DOCK3: variants seen among roughly 807,000 people sequenced by gnomAD.
DOCK3 encodes the protein dedicator of cytokinesis protein 3.
Under a neutral mutation model 265.6 loss-of-function variants are expected in DOCK3, and 60 were observed. That is an observed-to-expected ratio of 0.23 (90% CI 0.18 to 0.28). The LOEUF (loss-of-function observed/expected upper bound fraction) is 0.28, where lower values mean the gene tolerates loss of function less well. Ranked by LOEUF, DOCK3 falls within the 10% of genes least tolerant of loss-of-function variation. The probability of loss-of-function intolerance (pLI) is 1.00; values close to 1 mark genes in which losing one functional copy is unlikely to be tolerated. For missense variants in DOCK3, 1,981 were observed against 2,594.3 expected, an observed-to-expected ratio of 0.76 and a Z score of 5.14; for synonymous variants, 881 against 938.0, an observed-to-expected ratio of 0.94 and a Z score of 1.11.
intron 50 of DOCK3, among the ~76,000 whole-genome samples, chr3:51,375,260 G>T (rs538029284): frequency 6.6e-6 from 1 of 152,344 alleles, no homozygotes; most frequent in East Asian, 1.9e-4. Context: ...GCCAGGTAGA[G>T]GGATGAGATC....
chr3:50,739,425 A>G (rs919985115), intron 1 of DOCK3, among the ~76,000 whole-genome samples: 1 of 152,014 alleles, frequency 6.6e-6, no homozygotes, highest in Non-Finnish European at 1.5e-5. Context: ...ACCTTCCTTC[A>G]GACATTTCTG....
intron 5 of DOCK3, among the ~76,000 whole-genome samples, chr3:50,946,443 T>C (rs180901888): frequency 2.5e-3 from 384 of 152,348 alleles, no homozygotes; most frequent in Non-Finnish European, 4.0e-3. Context: ...CTATCTTTTG[T>C]TTTTTGAAGA....
chr3:51,237,340 A>G (rs2078391212), intron 20 of DOCK3, 150 bp from the exon 21 acceptor site: 9 of 684,878 alleles, frequency 1.3e-5, no homozygotes, highest in East Asian at 1.1e-4. Context: ...CAGACACAGA[A>G]TGGAAATCTT....
chr3:50,861,757 CT>C (rs1416468590), intron 3 of DOCK3, among the ~76,000 whole-genome samples: 297 of 127,862 alleles, frequency 2.3e-3, no homozygotes, highest in Middle Eastern at 4.5e-3. Context: ...CCTGCTCTCT[CT>C]TTTTTTTTTT....
In DOCK3 at chr3:50,910,283, T is replaced by C. The variant is rs1210664914; in HGVS notation, c.218+20202T>C. On this transcript the variant is annotated intron_variant, in intron 4 of 52. Coordinates refer to ENST00000266037, the MANE Select transcript of DOCK3 (RefSeq NM_004947.5). ...CTTGCTGGAGAGGTATTGCAGTCAT[T>C]TGGAGAAGAAAAGGCACTCTGGCTT... 2.0e-5 allele frequency among the ~76,000 whole-genome samples: 3 copies of C among 152,000 alleles called. No homozygotes were observed. In the East Asian group the frequency reaches 5.8e-4, roughly 29 times the overall value.
At chr3:51,230,962 T>C (rs1383314091) in intron 19 of DOCK3, among the ~76,000 whole-genome samples, 1 of 151,884 alleles carries the variant, frequency 6.6e-6, no homozygotes, top group Non-Finnish European at 1.5e-5. Flanking sequence ...TTTGGATATA[T>C]ACACAGTAAT....
intron 5 of DOCK3, among the ~76,000 whole-genome samples, chr3:50,988,188 G>A (rs760379321): frequency 6.6e-6 from 1 of 152,104 alleles, no homozygotes; most frequent in Non-Finnish European, 1.5e-5. Context: ...AGCCATTCCA[G>A]CCTTTGGGCT....
intron 27 of DOCK3, among the ~76,000 whole-genome samples, chr3:51,289,839 C>T (rs1421032431): frequency 1.3e-5 from 2 of 151,886 alleles, no homozygotes; most frequent in African/African-American, 2.4e-5. Flanking sequence ...AACAAATTTA[C>T]AAGAAAAAAA....
At chr3:50,802,014 A>T (rs1358467047) in intron 2 of DOCK3, among the ~76,000 whole-genome samples, 3 of 152,088 alleles carry the variant, frequency 2.0e-5, no homozygotes, top group Non-Finnish European at 4.4e-5. Context: ...ATAGCTATTC[A>T]TGCTCACTTT....
chr3:51,261,889 T>C (rs2079870059), intron 23 of DOCK3, among the ~76,000 whole-genome samples: 1 of 152,140 alleles, frequency 6.6e-6, no homozygotes, highest in East Asian at 1.9e-4. Flanking sequence ...GCAGGGCATC[T>C]CTGAAAGAAA....
At position 50,996,473 on chromosome 3, in the gene DOCK3, T is replaced by C. The variant is rs1041747048; in HGVS notation, c.315+62396T>C. ...ACCTTGTGATCCGCCTACCTCGGCCTCCCAAAATGCTGGGATTATAGGTGT... is the reference window on the plus strand; with the variant it reads ...ACCTTGTGATCCGCCTACCTCGGCCCCCCAAAATGCTGGGATTATAGGTGT... On this transcript the variant is annotated intron_variant, in intron 5 of 52. Coordinates refer to ENST00000266037, the MANE Select transcript of DOCK3 (RefSeq NM_004947.5). 1.3e-5 allele frequency among the ~76,000 whole-genome samples: 2 copies of C among 152,158 alleles called. 1 individual carries two copies. The highest frequency in any genetic ancestry group is 1.3e-4 in the Admixed American group (2 of 15,274).
At chr3:50,967,376 GTGTA>G (rs1338479030) in intron 5 of DOCK3, among the ~76,000 whole-genome samples, 3 of 151,952 alleles carry the variant, frequency 2.0e-5, no homozygotes, top group African/African-American at 7.3e-5. Context: ...GTATGCCATT[GTGTA>G]TCTACACCAC....
At chr3:50,968,805 C>A (rs1559875310) in intron 5 of DOCK3, among the ~76,000 whole-genome samples, 1 of 152,202 alleles carries the variant, frequency 6.6e-6, no homozygotes, top group Non-Finnish European at 1.5e-5. Flanking sequence ...GTGCCTCGGC[C>A]TCCCAAAGTC....
At chr3:51,224,728 G>C (rs2061951) in intron 14 of DOCK3, among the ~76,000 whole-genome samples, 138,676 of 152,036 alleles carry the variant, frequency 0.91, 63,384 homozygotes, top group African/African-American at 0.96. Context: ...CCCCCACAGC[G>C]TTTTACTATT....
intron 23 of DOCK3, among the ~76,000 whole-genome samples, chr3:51,269,149 A>T (rs1576604688): frequency 6.8e-6 from 1 of 147,312 alleles, no homozygotes; most frequent in South Asian, 2.1e-4. Context: ...ATATATATAT[A>T]TTTATTTATA....
intron 14 of DOCK3, among the ~76,000 whole-genome samples, chr3:51,219,575 A>G (rs569986650): frequency 6.6e-6 from 1 of 152,346 alleles, no homozygotes; most frequent in African/African-American, 2.4e-5. Context: ...AGATACAGGA[A>G]ACTATTTTTG....
chr3:50,839,055 G>C (rs1219008451), intron 2 of DOCK3, among the ~76,000 whole-genome samples: 1 of 152,160 alleles, frequency 6.6e-6, no homozygotes, highest in African/African-American at 2.4e-5. Context: ...GGGGAGGAGG[G>C]TTGACTACAA....
At chr3:51,034,347 T>A (rs1030840559) in intron 5 of DOCK3, among the ~76,000 whole-genome samples, 35 of 152,220 alleles carry the variant, frequency 2.3e-4, no homozygotes, top group Non-Finnish European at 4.4e-4. Context: ...TGAATAATTT[T>A]AAGAATTCTA....
At chr3:51,034,741 A>G (rs1345065014) in intron 5 of DOCK3, among the ~76,000 whole-genome samples, 1 of 152,148 alleles carries the variant, frequency 6.6e-6, no homozygotes, top group African/African-American at 2.4e-5. Flanking sequence ...GGGAAAGTTC[A>G]GTATAAAAAC....
Sources: allele counts gnomAD v4.1 joint callset (sites outside exome capture counted in the v4.1 genomes callset), GRCh38; gene constraint gnomAD v4.1.1; transcripts MANE v1.5; gene names NCBI Gene and HGNC (gene_info 2026-07-23, HGNC 2026-07-21).